GCNT2: variants seen among roughly 807,000 people sequenced by gnomAD.
GCNT2 encodes the protein glucosaminyl (N-acetyl) transferase 2 (I blood group).
In GCNT2, 34 loss-of-function variants were observed where a neutral mutation model predicts 34.2. The observed-to-expected ratio is 1.00, with a 90% CI of 0.76 to 1.32. The LOEUF is 1.32. Among genes scored for constraint, GCNT2 ranks in the 40% most tolerant of loss-of-function variants. The probability of loss-of-function intolerance (pLI) is 0.00; values close to 1 mark genes in which losing one functional copy is unlikely to be tolerated. For missense variants in GCNT2, 584 were observed against 489.4 expected (o/e 1.19, Z -1.82); for synonymous variants, 212 against 188.0 (o/e 1.13, Z -1.04).
chr6:10,535,754 C>G (rs1259334025), intron 3 of GCNT2, among the ~76,000 whole-genome samples: 1 of 152,222 alleles, frequency 6.6e-6, no homozygotes, highest in East Asian at 1.9e-4. Flanking sequence ...TTCCTGGGAG[C>G]AGGCTTTGTG....
At chr6:10,569,273 A>ACACACACACACACACACACACACACAC (rs1561806920) in intron 3 of GCNT2, among the ~76,000 whole-genome samples, 1 of 139,610 alleles carries the variant, frequency 7.2e-6, no homozygotes, top group African/African-American at 2.7e-5. Flanking sequence ...ACACACACAC[A>ACACACACACACACACACACACACACAC]CCCCCTAGGT....
chr6:10,618,796 G>A (rs1462577330), intron 3 of GCNT2, among the ~76,000 whole-genome samples: 5 of 152,082 alleles, frequency 3.3e-5, no homozygotes, highest in African/African-American at 1.2e-4. Context: ...GTATTAAAAT[G>A]CAAGTTAAAG....
chr6:10,537,158 A>T (rs948623260), intron 3 of GCNT2, among the ~76,000 whole-genome samples: 5 of 152,212 alleles, frequency 3.3e-5, no homozygotes, highest in African/African-American at 1.2e-4. Flanking sequence ...TCAAGAAAAC[A>T]ATGGCATTAA....
chr6:10,525,394 C>G (rs577929227), intron 1 of GCNT2, among the ~76,000 whole-genome samples: 8 of 152,254 alleles, frequency 5.3e-5, no homozygotes, highest in African/African-American at 1.9e-4. Context: ...TAATTTTGAT[C>G]TGAAATTCAA....
In GCNT2 at chr6:10,555,971, C is replaced by G. The variant is rs574736453; in HGVS notation, c.925+26135C>G. On this transcript the variant is annotated intron_variant, in intron 3 of 4. Transcript: ENST00000495262. Reference sequence around the variant, plus strand: ...GCTAGGGGACTAGCAGGAAGCGGCACGCCTGCCAGAGCTCATCACTTCAAC... The same window carrying G: ...GCTAGGGGACTAGCAGGAAGCGGCAGGCCTGCCAGAGCTCATCACTTCAAC... 4.8e-6 allele frequency: 5 copies of G among 1,033,680 alleles called. No homozygotes were observed. The African/African-American group carries it at 8.6e-5, about 18-fold the overall frequency. 64.0% of individuals were successfully genotyped at this position (1,033,680 alleles called of 1,614,324 possible).
chr6:10,578,445 C>CTTTTTTT lies in GCNT2; in HGVS notation c.926-42891_926-42885dup, dbSNP rs1211582798. 6.8e-4 allele frequency among the ~76,000 whole-genome samples: 71 copies of CTTTTTTT among 103,918 alleles called. 3 individuals carry two copies. Among genetic ancestry groups the CTTTTTTT allele is most frequent in the Non-Finnish European group, 8.4e-4 (45 of 53,260 alleles). 68.2% of individuals were successfully genotyped at this position (103,918 alleles called of 152,430 possible). A position where few individuals can be genotyped will look rare whatever the true frequency, so the allele number is the denominator to read the frequency against. ...TCCCTGTCTTCATGGAGCTTACATT[C>CTTTTTTT]TTTTTTTTTTTTTTTTTTTTTGAGA... On this transcript the variant is annotated intron_variant, in intron 3 of 4. Coordinates refer to ENST00000495262, the MANE Select transcript of GCNT2 (RefSeq NM_145649.5).
intron 1 of GCNT2, among the ~76,000 whole-genome samples, chr6:10,523,219 C>G (rs139044329): frequency 6.6e-6 from 1 of 151,762 alleles, no homozygotes; most frequent in African/African-American, 2.4e-5. Flanking sequence ...ATCAGGAGTT[C>G]GAGACCAGCC....
intron 3 of GCNT2, among the ~76,000 whole-genome samples, chr6:10,578,549 C>A (rs1233554397): frequency 1.3e-5 from 2 of 148,994 alleles, no homozygotes; most frequent in African/African-American, 2.5e-5. Context: ...TGGGTTCATG[C>A]CATTCTCCTG....
chr6:10,542,284 A>AGC (rs1762069627), intron 3 of GCNT2, among the ~76,000 whole-genome samples: 2 of 152,292 alleles, frequency 1.3e-5, no homozygotes, highest in East Asian at 3.9e-4. Flanking sequence ...ATCATCCTGT[A>AGC]AGTTCTTACA....
chr6:10,551,349 G>C (rs551292242), intron 3 of GCNT2, among the ~76,000 whole-genome samples: 62 of 151,894 alleles, frequency 4.1e-4, no homozygotes, highest in African/African-American at 1.4e-3. Flanking sequence ...TGGACTTGCC[G>C]CCTGGGTCTT....
intron 3 of GCNT2, among the ~76,000 whole-genome samples, chr6:10,550,086 T>A (rs1350596726): frequency 6.6e-6 from 1 of 152,142 alleles, no homozygotes; most frequent in East Asian, 1.9e-4. Context: ...GGAGTTTTGC[T>A]CTTGTTGCCT....
intron 3 of GCNT2, among the ~76,000 whole-genome samples, chr6:10,588,871 G>A (rs1429509130): frequency 6.8e-6 from 1 of 146,306 alleles, no homozygotes; most frequent in Non-Finnish European, 1.5e-5. Flanking sequence ...GTATGTGTGT[G>A]GGGTATGTGT....
chr6:10,563,431 A>G (rs1763104017), intron 3 of GCNT2, among the ~76,000 whole-genome samples: 1 of 152,136 alleles, frequency 6.6e-6, no homozygotes, highest in Non-Finnish European at 1.5e-5. Flanking sequence ...TTTACAGATG[A>G]GAAAGTTTAA....
At chr6:10,541,450 T>C (rs531520917) in intron 3 of GCNT2, among the ~76,000 whole-genome samples, 1 of 152,330 alleles carries the variant, frequency 6.6e-6, no homozygotes, top group East Asian at 1.9e-4. Flanking sequence ...TCTTTGCTAT[T>C]GTGAATAGTG....
At chr6:10,546,665 A>G (rs951904508) in intron 3 of GCNT2, among the ~76,000 whole-genome samples, 1 of 152,172 alleles carries the variant, frequency 6.6e-6, no homozygotes, top group Non-Finnish European at 1.5e-5. Context: ...TTTAAAAGAA[A>G]AGAAAAGAAA....
intron 3 of GCNT2, among the ~76,000 whole-genome samples, chr6:10,569,420 C>A (rs1272710517): frequency 1.3e-5 from 2 of 152,160 alleles, no homozygotes; most frequent in Non-Finnish European, 2.9e-5. Flanking sequence ...CTCCTGGGCT[C>A]AAGCTGTTCT....
chr6:10,582,250 TATA>T (rs1561816202), intron 3 of GCNT2, among the ~76,000 whole-genome samples: 2 of 122,136 alleles, frequency 1.6e-5, no homozygotes, highest in Non-Finnish European at 3.2e-5. Context: ...ATAAAATATA[TATA>T]ATATATACTA....
intron 3 of GCNT2, chr6:10,557,205 G>T: frequency 6.4e-7 from 1 of 1,569,042 alleles, no homozygotes. Flanking sequence ...ATTTACTTTG[G>T]CTCTGCCTAT....
At position 10,527,469 on chromosome 6, in the gene GCNT2, T is replaced by C. The variant is rs1043340780; in HGVS notation, c.-468-5T>C. 1 of 152,178 alleles carries C rather than the reference T, an allele frequency of 6.6e-6. No homozygotes were observed. The highest frequency in any genetic ancestry group is 1.5e-5 in the Non-Finnish European group (1 of 68,034). 9.4% of individuals were successfully genotyped at this position (152,178 alleles called of 1,614,324 possible). A position where few individuals can be genotyped will look rare whatever the true frequency, so the allele number is the denominator to read the frequency against. ...AATAAAAAGTTGCTTGTCTACTACA[T>C]ACAGACAATGCTAGGAGCCAGAAAC... On this transcript the variant is annotated splice_polypyrimidine_tract_variant and splice_region_variant and intron_variant, in intron 1 of 4. Transcript: ENST00000495262.
Sources: allele counts gnomAD v4.1 joint callset (sites outside exome capture counted in the v4.1 genomes callset), GRCh38; gene constraint gnomAD v4.1.1; transcripts MANE v1.5; gene names NCBI Gene and HGNC (gene_info 2026-07-23, HGNC 2026-07-21).